Variants in C2orf76 observed in about 807,000 individuals in gnomAD.
C2orf76 encodes UPF0538 protein C2orf76.
A neutral mutation model predicts 16.9 loss-of-function variants in C2orf76; 23 were observed. The observed-to-expected ratio is 1.36, with a 90% CI of 0.98 to 1.93. The LOEUF (loss-of-function observed/expected upper bound fraction) is 1.93. C2orf76 is among the 30% of genes most tolerant of loss of function. The probability of loss-of-function intolerance (pLI) is 0.00; values close to 1 mark genes in which losing one functional copy is unlikely to be tolerated. For synonymous variants in C2orf76, 48 were observed against 52.3 expected, an observed-to-expected ratio of 0.92 and a Z score of 0.35; for missense variants, 152 against 152.6, an observed-to-expected ratio of 1.00 and a Z score of 0.02.
chr2:119,338,663 G>A (rs1424819850), intron 2 of C2orf76, among the ~76,000 whole-genome samples: 2 of 152,136 alleles, frequency 1.3e-5, no homozygotes, highest in Non-Finnish European at 2.9e-5. Flanking sequence ...GACATATTCA[G>A]TTTCTTAGAA....
chr2:119,305,807 C>T (rs886819662), intron 5 of C2orf76, among the ~76,000 whole-genome samples: 1 of 152,068 alleles, frequency 6.6e-6, no homozygotes, highest in South Asian at 2.1e-4. Context: ...TCTAAGTTTT[C>T]ATCACCAACA....
At chr2:119,341,677 T>C (rs1227808731) in intron 1 of C2orf76, among the ~76,000 whole-genome samples, 1 of 152,220 alleles carries the variant, frequency 6.6e-6, no homozygotes, top group African/African-American at 2.4e-5. Context: ...TTTGTGCTAC[T>C]TACAACTTTG....
At chr2:119,312,504 C>T (rs553996303) in intron 4 of C2orf76, among the ~76,000 whole-genome samples, 1 of 152,262 alleles carries the variant, frequency 6.6e-6, no homozygotes, top group African/African-American at 2.4e-5. Flanking sequence ...CTGACCTTGG[C>T]CTCCCAAAAT....
At chr2:119,308,472 T>G (rs1678869517) in intron 5 of C2orf76, among the ~76,000 whole-genome samples, 1 of 148,134 alleles carries the variant, frequency 6.8e-6, no homozygotes, top group African/African-American at 2.6e-5. Flanking sequence ...AAACCCGGTC[T>G]CTACTAAAAA....
Position 119,334,889 on chromosome 2 carries a change from G to A in C2orf76, c.133+4938C>T, listed in dbSNP as rs115552457. ...TTTGTAAGACTACAGTGCTTATGGC[G>A]AAAGGACACAAAAGGACTGTATCTA... On this transcript the variant is annotated intron_variant, in intron 2 of 5. Transcript: ENST00000334816. Among the ~76,000 whole-genome samples, 861 of 152,164 alleles carry A rather than the reference G, an allele frequency of 5.7e-3. 8 individuals carry two copies. Among genetic ancestry groups the A allele is most frequent in the African/African-American group, 0.018 (752 of 41,522 alleles).
intron 5 of C2orf76, among the ~76,000 whole-genome samples, chr2:119,309,264 A>C (rs867511641): frequency 6.6e-6 from 1 of 152,114 alleles, no homozygotes; most frequent in African/African-American, 2.4e-5. Flanking sequence ...ATAAGTACTC[A>C]TTCTCTCCTA....
the C2orf76 span, among the ~76,000 whole-genome samples, chr2:119,296,049 C>G: frequency 0.027 from 4,074 of 152,272 alleles, 181 homozygotes; most frequent in African/African-American, 0.092. Context: ...GGAAAGTGGT[C>G]TCAGGTCTGA....
intron 1 of C2orf76, among the ~76,000 whole-genome samples, chr2:119,350,907 C>G (rs968511039): frequency 2.0e-5 from 3 of 152,124 alleles, no homozygotes; most frequent in African/African-American, 7.2e-5. Context: ...AGCTCAGAGC[C>G]GAGCATCCAG....
At chr2:119,298,888 C>T (rs1208057083), downstream of C2orf76, among the ~76,000 whole-genome samples, 2 of 152,188 alleles carry the variant, frequency 1.3e-5, no homozygotes, top group Non-Finnish European at 2.9e-5. Flanking sequence ...CTACTGGCTA[C>T]AATAAGACTT....
At chr2:119,344,000 A>G (rs1680119855) in intron 1 of C2orf76, among the ~76,000 whole-genome samples, 1 of 152,248 alleles carries the variant, frequency 6.6e-6, no homozygotes, top group Admixed American at 6.5e-5. Flanking sequence ...GCAGGCTGGC[A>G]CTTGCATTCC....
downstream of C2orf76, among the ~76,000 whole-genome samples, chr2:119,298,311 C>T (rs568069781): frequency 6.6e-6 from 1 of 152,262 alleles, no homozygotes; most frequent in South Asian, 2.1e-4. Context: ...GGACCCTTAA[C>T]TGTTTTTTTT....
At chr2:119,358,063 G>A (rs1680626283) in intron 1 of C2orf76, among the ~76,000 whole-genome samples, 1 of 152,130 alleles carries the variant, frequency 6.6e-6, no homozygotes, top group African/African-American at 2.4e-5. Flanking sequence ...TTGAAATTAG[G>A]CCAATTAATA....
At chr2:119,313,338 A>G (rs954255555) in intron 4 of C2orf76, among the ~76,000 whole-genome samples, 8 of 152,196 alleles carry the variant, frequency 5.3e-5, no homozygotes, top group Non-Finnish European at 1.2e-4. Flanking sequence ...CTGTAATCCC[A>G]GCACTTTGGG....
the C2orf76 span, among the ~76,000 whole-genome samples, chr2:119,295,237 G>A: frequency 0.035 from 5,316 of 152,160 alleles, 288 homozygotes; most frequent in African/African-American, 0.12. Flanking sequence ...AGATAGCTGC[G>A]GTCAGCCAGG....
rs78347644 is a variant in C2orf76, at chr2:119,325,125, C to T, written c.134-3921G>A. On this transcript the variant is annotated intron_variant, in intron 2 of 5. Transcript: ENST00000334816. ...TCAAGGCAGGAGGATCGCTTAAGTC[C>T]GGGAGTTCAAGACCAGCCTGGACAA... Among the ~76,000 whole-genome samples the T allele has an allele frequency of 6.0e-3, 911 of 151,960 alleles. 10 individuals carry two copies. Among genetic ancestry groups the T allele is most frequent in the African/African-American group, 0.02 (815 of 41,416 alleles).
intron 1 of C2orf76, among the ~76,000 whole-genome samples, chr2:119,343,013 G>T (rs982542932): frequency 6.6e-6 from 1 of 152,080 alleles, no homozygotes; most frequent in Admixed American, 6.5e-5. Context: ...CGGGTGAACC[G>T]CCTGGCTCGG....
In C2orf76 at chr2:119,354,045, A is replaced by G. The variant is rs114873592; in HGVS notation, c.-13+12745T>C. ...ATCCTCACCACAAAGAGATAAATGC[A>G]TGAGGCAATGGTCACACTAAATACC... On this transcript the variant is annotated intron_variant, in intron 1 of 5. Coordinates refer to ENST00000334816, the MANE Select transcript of C2orf76 (RefSeq NM_001322331.2). 4.0e-3 allele frequency among the ~76,000 whole-genome samples: 613 copies of G among 152,328 alleles called. 4 individuals are homozygous for G. Among genetic ancestry groups the G allele is most frequent in the African/African-American group, 0.011 (464 of 41,578 alleles).
intron 1 of C2orf76, among the ~76,000 whole-genome samples, chr2:119,343,428 C>G (rs2104612298): frequency 6.6e-6 from 1 of 151,770 alleles, no homozygotes; most frequent in East Asian, 1.9e-4. Flanking sequence ...CCCCCTAAAA[C>G]AACAAAAAAG....
intron 4 of C2orf76, among the ~76,000 whole-genome samples, chr2:119,315,731 CTTAA>C (rs1453578138): frequency 6.6e-6 from 1 of 152,156 alleles, no homozygotes; most frequent in African/African-American, 2.4e-5. Flanking sequence ...CTCTGAGTGA[CTTAA>C]TTGTTTTGGG....
Sources: gnomAD v4.1 joint callset for allele counts (sites outside exome capture counted in the v4.1 genomes callset) on GRCh38, gnomAD v4.1.1 for gene constraint, MANE v1.5 for transcripts, NCBI Gene and HGNC (gene_info 2026-07-23, HGNC 2026-07-21) for gene names.